The following THNSL2 variants were observed in gnomAD, a reference collection of about 807,000 sequenced individuals.
The protein encoded by THNSL2 is threonine synthase like 2, also known as threonine synthase-like 2.
Under a neutral mutation model 40.0 loss-of-function variants are expected in THNSL2, and 34 were observed. The ratio of observed to expected loss-of-function variants is 0.85; its 90% CI spans 0.65 to 1.13. The LOEUF is 1.13. THNSL2 is among the 50% of genes most tolerant of loss of function. THNSL2 has a pLI of 0.00. For missense variants in THNSL2, 537 were observed against 608.8 expected, an observed-to-expected ratio of 0.88 and a Z score of 1.24; for synonymous variants, 241 against 247.5, an observed-to-expected ratio of 0.97 and a Z score of 0.25.
chr2:88,176,924 A>T (rs990895595), intron 4 of THNSL2: 2 of 152,222 alleles, frequency 1.3e-5, no homozygotes, highest in Non-Finnish European at 2.9e-5. Flanking sequence ...CAAAATTGCT[A>T]GTTACAGATC....
At chr2:88,180,031 G>C (rs1441247076) in intron 5 of THNSL2, among the ~76,000 whole-genome samples, 2 of 152,228 alleles carry the variant, frequency 1.3e-5, no homozygotes, top group African/African-American at 4.8e-5. Context: ...GAGAACAGCG[G>C]GCTGGCAGGC....
At chr2:88,171,879 C>T (rs1676414366) in intron 1 of THNSL2, 1 of 152,598 alleles carries the variant, frequency 6.6e-6, no homozygotes, top group African/African-American at 2.4e-5. Context: ...TCAAGTTTGT[C>T]TCTGTCTCTA....
At chr2:88,179,732 C>T (rs918926820) in intron 5 of THNSL2, among the ~76,000 whole-genome samples, 5 of 152,154 alleles carry the variant, frequency 3.3e-5, no homozygotes, top group Admixed American at 3.3e-4. Flanking sequence ...GTTCTAAATG[C>T]TTTTCACATA....
intron 4 of THNSL2, 117 bp from the exon 5 acceptor site, chr2:88,178,666 G>A: frequency 1.0e-6 from 1 of 990,802 alleles, no homozygotes; most frequent in Non-Finnish European, 1.5e-6. Context: ...AACCTAGGCT[G>A]CGCGAAGGTC....
intron 4 of THNSL2, among the ~76,000 whole-genome samples, chr2:88,178,078 T>A (rs1047712617): frequency 6.6e-6 from 1 of 151,838 alleles, no homozygotes. Context: ...CATACTCGGG[T>A]ATCAGATAAG....
At chr2:88,176,789 G>A (rs1294006392) in intron 4 of THNSL2, 1 of 152,214 alleles carries the variant, frequency 6.6e-6, no homozygotes, top group Non-Finnish European at 1.5e-5. Flanking sequence ...TAATGCAGGT[G>A]TTGGTGTCAT....
chr2:88,181,603 G>A (rs1258654286), intron 5 of THNSL2, among the ~76,000 whole-genome samples: 1 of 134,962 alleles, frequency 7.4e-6, no homozygotes. Context: ...GTCTGTAACA[G>A]GTTTATTGCT....
rs1462417775 is a variant in THNSL2 at position 88,182,788 on chromosome 2, G to A, written c.892G>A (p.Gly298Arg). ...NDIIHRTVQQ[G>R]DFSLSEAVKS... ...CATCATCCACAGGACTGTCCAGCAG[G>A]GAGACTTCTCTCTCTCTGAGGCTGT... is the stretch of plus-strand genomic sequence containing the variant. Residue 298 changes from glycine to arginine, a missense_variant, in exon 6 of 9, where the codon GGA becomes AGA. Coordinates refer to ENST00000674334, the MANE Select transcript of THNSL2 (RefSeq NM_018271.5). 5 of 1,614,026 alleles carry A rather than the reference G, an allele frequency of 3.1e-6. No individual in the cohort carries two copies. In the African/African-American group the frequency reaches 4.0e-5, roughly 13 times the overall value.
intron 1 of THNSL2, chr2:88,171,430 C>T (rs1436629520): frequency 2.4e-6 from 1 of 425,096 alleles, no homozygotes. Flanking sequence ...TGTGATATTC[C>T]TTCCACCCAG....
intron 5 of THNSL2, 54 bp from the exon 6 acceptor site, chr2:88,182,645 T>TC: frequency 1.4e-6 from 2 of 1,467,982 alleles, no homozygotes; most frequent in Non-Finnish European, 1.8e-6. Context: ...TTTACTTTTT[T>TC]CTTTTTGCTT....
At chr2:88,175,222 G>A (rs766164191) in intron 3 of THNSL2, 27 bp from the exon 4 acceptor site, 5 of 1,608,846 alleles carry the variant, frequency 3.1e-6, no homozygotes, top group African/African-American at 1.3e-5. Context: ...TTCTAAAGGG[G>A]GAGAGTTCTC....
At chr2:88,181,648 T>G (rs1377326339) in intron 5 of THNSL2, among the ~76,000 whole-genome samples, 4 of 151,770 alleles carry the variant, frequency 2.6e-5, no homozygotes, top group Non-Finnish European at 5.9e-5. Context: ...ATTTTAAGTG[T>G]ATGATTCAGT....
At chr2:88,173,850 C>G (rs1008103916) in intron 2 of THNSL2, among the ~76,000 whole-genome samples, 1 of 152,120 alleles carries the variant, frequency 6.6e-6, no homozygotes, top group African/African-American at 2.4e-5. Context: ...TGTTAAAAAC[C>G]AAATTCTGAT....
Position 88,186,061 on chromosome 2 carries a change from C to T in THNSL2, c.1393C>T (p.Arg465Trp), listed in dbSNP as rs367584313. 1.7e-5 allele frequency: 27 copies of T among 1,584,936 alleles called. No homozygotes were observed. The highest frequency in any genetic ancestry group is 9.4e-5 in the African/African-American group (7 of 74,598). Residue 465 changes from arginine (R) to tryptophan (W), a missense_variant, in exon 9 of 9, where the codon CGG (arginine) becomes TGG (tryptophan). Coordinates refer to ENST00000674334, the MANE Select transcript of THNSL2 (RefSeq NM_018271.5). Reference protein sequence around the residue: ...RRGDNWMLMLRDTIEDLSRQW... With the variant: ...RRGDNWMLMLWDTIEDLSRQW... ...AGGTGACAACTGGATGCTGATGCTTCGGGACACCATTGAGGACCTTAGCCG... is the reference window on the plus strand; with the variant it reads ...AGGTGACAACTGGATGCTGATGCTTTGGGACACCATTGAGGACCTTAGCCG...
rs2104206857 is a variant in THNSL2 at position 88,178,907 on chromosome 2, G to A, written c.696G>A (p.Met232Ile). ...SINWSRVLVQ[M>I]AHHFFAYFQC... ...ACTGGTCCCGGGTCCTGGTGCAGAT[G>A]GCCCATCACTTCTTTGCTTACTTCC... is the stretch of plus-strand genomic sequence containing the variant. The change falls in exon 5 of 9, where the codon ATG (methionine) becomes ATA (isoleucine). Residue 232 changes from methionine (M) to isoleucine (I), a missense_variant. Met to Ile is a conservative substitution (Grantham distance 10). Coordinates refer to ENST00000674334, the MANE Select transcript of THNSL2 (RefSeq NM_018271.5). The A allele has an allele frequency of 6.2e-7, 1 of 1,614,226 alleles. No individual in the cohort carries two copies. Among genetic ancestry groups the A allele is most frequent in the Non-Finnish European group, 8.5e-7 (1 of 1,180,044 alleles).
At chr2:88,179,240 T>A (rs1432304086) in intron 5 of THNSL2, among the ~76,000 whole-genome samples, 1 of 152,234 alleles carries the variant, frequency 6.6e-6, no homozygotes, top group African/African-American at 2.4e-5. Flanking sequence ...TAACCCCACA[T>A]GCTCCCACAG....
chr2:88,179,063 C>A, intron 5 of THNSL2, 50 bp downstream of exon 5: 2 of 1,575,266 alleles, frequency 1.3e-6, no homozygotes, highest in Non-Finnish European at 1.7e-6. Flanking sequence ...ATGCCTGTGG[C>A]CCCAGTCCTT....
chr2:88,180,338 A>G (rs1232458316), intron 5 of THNSL2, among the ~76,000 whole-genome samples: 2 of 152,208 alleles, frequency 1.3e-5, no homozygotes, highest in African/African-American at 4.8e-5. Flanking sequence ...GATCAGGTGA[A>G]ATAAGAAAGA....
Position 88,185,970 on chromosome 2 carries a change from C to G in THNSL2, c.1302C>G (p.Thr434=), listed in dbSNP as rs1271123182. ...AAGCTGTCCTGGCTGCTGGCCTGACCCCTGAGACTCCCGCGGAGATCGTAG... is the reference window on the plus strand; with the variant it reads ...AAGCTGTCCTGGCTGCTGGCCTGACGCCTGAGACTCCCGCGGAGATCGTAG... ...FPEAVLAAGL[T]PETPAEIVAL... is the part of the protein sequence containing the mutation. The change falls in exon 9 of 9, where the codon ACC becomes ACG. Residue 434 remains threonine (T), a synonymous_variant. Coordinates refer to ENST00000674334, the MANE Select transcript of THNSL2 (RefSeq NM_018271.5). 3.7e-6 allele frequency: 6 copies of G among 1,613,052 alleles called. No homozygotes were observed. Among genetic ancestry groups the G allele is most frequent in the Non-Finnish European group, 4.2e-6 (5 of 1,179,746 alleles).
Sources: gnomAD v4.1 joint callset for allele counts (sites outside exome capture counted in the v4.1 genomes callset) on GRCh38, gnomAD v4.1.1 for gene constraint, MANE v1.5 for transcripts, NCBI Gene and HGNC (gene_info 2026-07-23, HGNC 2026-07-21) for gene names.